METTL2A: variants seen among roughly 807,000 people sequenced by gnomAD.
METTL2A encodes the protein methyltransferase 2A, tRNA N3-cytidine.
METTL2A carries 45 observed loss-of-function variants against 49.4 expected under a neutral mutation model. That is an observed-to-expected ratio of 0.91 (90% CI 0.72 to 1.17). The LOEUF is 1.17. Among genes scored for constraint, METTL2A ranks in the 50% most tolerant of loss-of-function variants. The pLI, the probability that METTL2A is intolerant of heterozygous loss-of-function variation, is 0.00. For synonymous variants in METTL2A, 118 were observed against 167.5 expected, an observed-to-expected ratio of 0.70 and a Z score of 2.28; for missense variants, 361 against 462.2, an observed-to-expected ratio of 0.78 and a Z score of 2.01.
rs1396756918 is a variant in METTL2A, at chr17:62,450,247, C to CATTTTTTTTTTTTTTTTTTTTTTTTT, written c.*1518_*1519insATTTTTTTTTTTTTTTTTTTTTTTTT. On this transcript the variant is annotated 3_prime_UTR_variant, in exon 9 of 9. Coordinates refer to ENST00000311506, the MANE Select transcript of METTL2A (RefSeq NM_181725.4). ...TGTGATCATTATCAGTGTTAGATGCCTTTTTTTTTTTTTTTTTTTTTTTTT... is the reference window on the plus strand; with the variant it reads ...TGTGATCATTATCAGTGTTAGATGCCATTTTTTTTTTTTTTTTTTTTTTTTTTTTTTTTTTTTTTTTTTTTTTTTTT... The CATTTTTTTTTTTTTTTTTTTTTTTTT allele has an allele frequency of 1.7e-4, 14 of 80,540 alleles. 4 individuals are homozygous for CATTTTTTTTTTTTTTTTTTTTTTTTT. The highest frequency in any genetic ancestry group is 8.1e-4 in the South Asian group (2 of 2,484). The allele number at this position is 80,540 out of a possible 1,614,324, so 5.0% of individuals were successfully genotyped here.
rs1008861696 is a variant in METTL2A, at chr17:62,452,045, G to A, written c.*3316G>A. Among the ~76,000 whole-genome samples, 14 of 152,206 alleles carry A rather than the reference G, an allele frequency of 9.2e-5. No homozygotes were observed. Among genetic ancestry groups the A allele is most frequent in the Non-Finnish European group, 1.8e-4 (12 of 68,040 alleles). ...ATTGCACTCCAGCCTGGGCAACAGT[G>A]AGACTCCGTCTCAAAATAAAAAACA... On this transcript the variant is annotated 3_prime_UTR_variant, in exon 9 of 9. Transcript: ENST00000311506.
chr17:62,431,185 G>C (rs1196649215), intron 4 of METTL2A, among the ~76,000 whole-genome samples: 3 of 151,878 alleles, frequency 2.0e-5, no homozygotes, highest in Admixed American at 6.6e-5. Flanking sequence ...CTTTTTAGTA[G>C]AGATGAGCTT....
chr17:62,440,283 C>T (rs1309012383), intron 5 of METTL2A, among the ~76,000 whole-genome samples: 1 of 152,126 alleles, frequency 6.6e-6, no homozygotes, highest in African/African-American at 2.4e-5. Context: ...CCTTGGCCTC[C>T]CAAAGTGCTG....
chr17:62,440,795 GA>G (rs1233421561), intron 6 of METTL2A, 39 bp downstream of exon 6: 1 of 1,596,006 alleles, frequency 6.3e-7, no homozygotes, highest in African/African-American at 1.4e-5. Context: ...TCACAAAAAG[GA>G]AGCTTTGGTG....
At chr17:62,429,583 G>A (rs989533604) in intron 4 of METTL2A, among the ~76,000 whole-genome samples, 4 of 150,546 alleles carry the variant, frequency 2.7e-5, no homozygotes, top group African/African-American at 9.8e-5. Context: ...GAGCCACCGC[G>A]CCCAGCCTGC....
At chr17:62,425,606 C>T (rs1397551544) in intron 2 of METTL2A, among the ~76,000 whole-genome samples, 4 of 146,578 alleles carry the variant, frequency 2.7e-5, no homozygotes, top group Non-Finnish European at 4.5e-5. Flanking sequence ...AGGATGGTCT[C>T]GATCTCCTGA....
At chr17:62,424,703 C>T (rs1355971047) in intron 2 of METTL2A, among the ~76,000 whole-genome samples, 5 of 151,930 alleles carry the variant, frequency 3.3e-5, no homozygotes, top group South Asian at 4.2e-4. Flanking sequence ...TGATTAGATT[C>T]TAAATATTGT....
In METTL2A at chr17:62,438,442, C is replaced by T. The variant is rs1199361818; in HGVS notation, c.670-2175C>T. On this transcript the variant is annotated intron_variant, in intron 5 of 8. Coordinates refer to ENST00000311506, the MANE Select transcript of METTL2A (RefSeq NM_181725.4). ...AAAAAAAATACAAAAACTGGCAGGA[C>T]GTGGTGGCATGCACCTGTAATCCCA... Among the ~76,000 whole-genome samples the T allele has an allele frequency of 4.8e-5, 7 of 147,112 alleles. No individual in the cohort carries two copies. In the East Asian group the frequency reaches 1.0e-3, roughly 21 times the overall value.
chr17:62,439,862 G>T (rs2070726991), intron 5 of METTL2A, among the ~76,000 whole-genome samples: 2 of 151,954 alleles, frequency 1.3e-5, no homozygotes, highest in Non-Finnish European at 2.9e-5. Flanking sequence ...CAAGAATAAA[G>T]AATAAAAGTA....
intron 7 of METTL2A, among the ~76,000 whole-genome samples, chr17:62,446,292 G>A (rs1323891828): frequency 6.6e-6 from 1 of 151,432 alleles, no homozygotes; most frequent in Non-Finnish European, 1.5e-5. Context: ...TTACAGGTGT[G>A]AGCCACTGTG....
In METTL2A at chr17:62,425,587, G is replaced by A. The variant is rs950626377; in HGVS notation, c.203-712G>A. 4.7e-5 allele frequency among the ~76,000 whole-genome samples: 7 copies of A among 147,428 alleles called. No homozygotes were observed. The South Asian group carries it at 1.1e-3, about 23-fold the overall frequency. ...ATTTTAGTACAGACGGGGTTTCACC[G>A]TGCTGGCCAGGATGGTCTCGATCTC... On this transcript the variant is annotated intron_variant, in intron 2 of 8. Coordinates refer to ENST00000311506, the MANE Select transcript of METTL2A (RefSeq NM_181725.4).
intron 4 of METTL2A, among the ~76,000 whole-genome samples, chr17:62,434,113 G>A (rs1171124055): frequency 6.6e-6 from 1 of 152,194 alleles, no homozygotes; most frequent in Non-Finnish European, 1.5e-5. Context: ...GACAGGCATG[G>A]ACCCTGCTTT....
At chr17:62,441,571 C>T (rs1424610967) in intron 6 of METTL2A, among the ~76,000 whole-genome samples, 3 of 151,986 alleles carry the variant, frequency 2.0e-5, no homozygotes, top group African/African-American at 4.8e-5. Flanking sequence ...CTCAACCTCC[C>T]GAGTAGCTGG....
chr17:62,448,791 A>G lies in METTL2A; in HGVS notation c.*62A>G. The G allele has an allele frequency of 1.3e-6, 2 of 1,599,544 alleles. No individual in the cohort carries two copies. The highest frequency in any genetic ancestry group is 2.2e-5 in the South Asian group (2 of 89,130). ...GTTTCCGGGCTTTTTTAAAAAAAAA[A>G]TTGTAGCACTGGGCGTGGTGCATGC... On this transcript the variant is annotated 3_prime_UTR_variant, in exon 9 of 9. Coordinates refer to ENST00000311506, the MANE Select transcript of METTL2A (RefSeq NM_181725.4).
At chr17:62,429,376 C>T (rs1331773450) in intron 4 of METTL2A, among the ~76,000 whole-genome samples, 4 of 151,466 alleles carry the variant, frequency 2.6e-5, no homozygotes, top group African/African-American at 4.9e-5. Flanking sequence ...TTGCAACCTC[C>T]GCCTTCCGGG....
rs377604196 is a variant in METTL2A at position 62,430,304 on chromosome 17, C to G, written c.608+2467C>G. Among the ~76,000 whole-genome samples the G allele has an allele frequency of 4.6e-5, 7 of 152,296 alleles. No individual in the cohort carries two copies. In the East Asian group the frequency reaches 1.3e-3, roughly 29 times the overall value. On this transcript the variant is annotated intron_variant, in intron 4 of 8. Transcript: ENST00000311506. Reference sequence around the variant, plus strand: ...AGTTATGGCCATTAATTATCAATATCATCAATGCATGTAAAATAATGTAGA... The same window carrying G: ...AGTTATGGCCATTAATTATCAATATGATCAATGCATGTAAAATAATGTAGA...
intron 4 of METTL2A, 186 bp from the exon 5 acceptor site, chr17:62,435,046 G>A (rs972452764): frequency 2.5e-6 from 2 of 789,546 alleles, no homozygotes; most frequent in Admixed American, 2.9e-5. Flanking sequence ...TGTCCACAGA[G>A]CCTCCAAAAG....
intron 5 of METTL2A, among the ~76,000 whole-genome samples, chr17:62,438,927 C>G (rs1483916440): frequency 6.6e-6 from 1 of 150,926 alleles, no homozygotes; most frequent in Non-Finnish European, 1.5e-5. Flanking sequence ...ATTCTCCCAC[C>G]TCCTGTGTAA....
intron 6 of METTL2A, among the ~76,000 whole-genome samples, chr17:62,444,603 C>T (rs2070756846): frequency 6.6e-6 from 1 of 152,156 alleles, no homozygotes; most frequent in Admixed American, 6.6e-5. Flanking sequence ...TTTCTTACGG[C>T]AGAAGCGGGC....
Sources: gnomAD v4.1 joint callset for allele counts (sites outside exome capture counted in the v4.1 genomes callset) on GRCh38, gnomAD v4.1.1 for gene constraint, MANE v1.5 for transcripts, NCBI Gene and HGNC (gene_info 2026-07-23, HGNC 2026-07-21) for gene names.